DHRSX: variants seen among roughly 807,000 people sequenced by gnomAD.
DHRSX encodes the protein dehydrogenase/reductase X-linked.
Under a neutral mutation model 34.0 loss-of-function variants are expected in DHRSX, and 31 were observed. The ratio of observed to expected loss-of-function variants is 0.91; its 90% confidence interval spans 0.69 to 1.23. DHRSX has a LOEUF of 1.23. Ranked by LOEUF, DHRSX falls within the 50% of genes most tolerant of loss-of-function variation. The probability of loss-of-function intolerance (pLI) is 0.00; values close to 1 mark genes in which losing one functional copy is unlikely to be tolerated. For synonymous variants in DHRSX, 201 were observed against 183.8 expected, an observed-to-expected ratio of 1.09 and a Z score of -0.76; for missense variants, 414 against 428.1, an observed-to-expected ratio of 0.97 and a Z score of 0.29.
At position 2,475,279 on chromosome X, in the gene DHRSX, G is replaced by A. The variant is rs945791186; in HGVS notation, c.109+25538C>T. On this transcript the variant is annotated intron_variant, in intron 1 of 6. Transcript: ENST00000334651. Reference sequence around the variant, plus strand: ...GACCCCACTGTATACAACTGAAGACGTTCCCTAAGCATGTGGCTAAGGGAC... The same window carrying A: ...GACCCCACTGTATACAACTGAAGACATTCCCTAAGCATGTGGCTAAGGGAC... 1.7e-3 allele frequency among the ~76,000 whole-genome samples: 257 copies of A among 150,940 alleles called. 6 individuals are homozygous for A. Among genetic ancestry groups the A allele is most frequent in the Non-Finnish European group, 2.4e-3 (165 of 67,624 alleles).
At chrX:2,469,021 T>TTG (rs1407254589) in intron 1 of DHRSX, among the ~76,000 whole-genome samples, 4 of 147,064 alleles carry the variant, frequency 2.7e-5, no homozygotes, top group African/African-American at 1.0e-4. Flanking sequence ...ACTGAAGACA[T>TTG]TCCCTAGGCA....
At chrX:2,339,618 G>A (rs867734409) in intron 3 of DHRSX, among the ~76,000 whole-genome samples, 22 of 152,054 alleles carry the variant, frequency 1.4e-4, no homozygotes, top group African/African-American at 2.6e-4. Flanking sequence ...TAGCTTCCAC[G>A]TATCAGTGAC....
At chrX:2,373,766 C>T (rs115544953) in intron 3 of DHRSX, among the ~76,000 whole-genome samples, 9,381 of 152,124 alleles carry the variant, frequency 0.062, 658 homozygotes, top group African/African-American at 0.17. Flanking sequence ...AGTTTGCAAG[C>T]CAACAGGAAA....
At chrX:2,306,449 T>C (rs1040147743) in intron 3 of DHRSX, among the ~76,000 whole-genome samples, 3 of 150,166 alleles carry the variant, frequency 2.0e-5, no homozygotes, top group South Asian at 2.1e-4. Flanking sequence ...ACAATTAAGA[T>C]TGCGATCAAT....
At chrX:2,498,462 C>T (rs1314292205) in intron 1 of DHRSX, among the ~76,000 whole-genome samples, 6 of 152,128 alleles carry the variant, frequency 3.9e-5, no homozygotes, top group Non-Finnish European at 7.3e-5. Context: ...TTAATCCATA[C>T]ATAGGAAGGG....
At chrX:2,383,674 TG>T (rs1378364142) in intron 3 of DHRSX, among the ~76,000 whole-genome samples, 2 of 152,196 alleles carry the variant, frequency 1.3e-5, no homozygotes, top group Non-Finnish European at 2.9e-5. Flanking sequence ...TGGACCATCA[TG>T]GGGCTGGGGA....
chrX:2,303,483 C>CGTGCT (rs1172817430), intron 3 of DHRSX, among the ~76,000 whole-genome samples: 1 of 152,150 alleles, frequency 6.6e-6, no homozygotes, highest in African/African-American at 2.4e-5. Flanking sequence ...GCCATTAAGA[C>CGTGCT]GTGCTGGCTT....
At chrX:2,227,605 A>G (rs1354802627) in intron 6 of DHRSX, among the ~76,000 whole-genome samples, 2 of 133,580 alleles carry the variant, frequency 1.5e-5, no homozygotes, top group African/African-American at 5.7e-5. Context: ...AAAAAAAAAC[A>G]GGAAGGAAGC....
Position 2,426,471 on chromosome X carries a change from C to CCTCT in DHRSX, c.110-1168_110-1167insAGAG, listed in dbSNP as rs778277012. 2.2e-3 allele frequency among the ~76,000 whole-genome samples: 307 copies of CCTCT among 137,170 alleles called. 2 individuals carry two copies. Among genetic ancestry groups the CCTCT allele is most frequent in the African/African-American group, 8.0e-3 (291 of 36,556 alleles). 90.0% of individuals were successfully genotyped at this position (137,170 alleles called of 152,430 possible). A position where few individuals can be genotyped will look rare whatever the true frequency, so the allele number is the denominator to read the frequency against. On this transcript the variant is annotated intron_variant, in intron 1 of 6. Transcript: ENST00000334651. ...CCCTCCCTCTTTCCTTCCCTCCCTC[C>CCTCT]TTCCTTCCTTCCCTCCCTCTTTCCT... is the stretch of plus-strand genomic sequence containing the variant.
At chrX:2,265,818 A>C (rs2041453292) in intron 5 of DHRSX, among the ~76,000 whole-genome samples, 1 of 139,452 alleles carries the variant, frequency 7.2e-6, no homozygotes. Flanking sequence ...CGCAGGGAGC[A>C]CTGTCCTCAG....
intron 3 of DHRSX, among the ~76,000 whole-genome samples, chrX:2,309,181 G>A: frequency 6.6e-6 from 1 of 151,944 alleles, no homozygotes; most frequent in East Asian, 1.9e-4. Flanking sequence ...ATGAAAGAAT[G>A]GCATGAAGAA....
intron 6 of DHRSX, among the ~76,000 whole-genome samples, chrX:2,226,223 C>T (rs1169345869): frequency 2.0e-5 from 3 of 152,144 alleles, no homozygotes; most frequent in Non-Finnish European, 1.5e-5. Context: ...AGCCTCTTTT[C>T]CAGGAAACAG....
chrX:2,412,922 C>A (rs1231672789), intron 2 of DHRSX, among the ~76,000 whole-genome samples: 1 of 152,096 alleles, frequency 6.6e-6, no homozygotes, highest in African/African-American at 2.4e-5. Flanking sequence ...ATTGGCCAGG[C>A]GTGGTATCTC....
At chrX:2,390,162 T>A (rs1296640241) in intron 3 of DHRSX, among the ~76,000 whole-genome samples, 4 of 135,238 alleles carry the variant, frequency 3.0e-5, no homozygotes, top group Non-Finnish European at 4.9e-5. Context: ...TTTTTTTTTT[T>A]AATGGAGCTT....
chrX:2,277,126 GA>G (rs2041677465), intron 4 of DHRSX, among the ~76,000 whole-genome samples: 1 of 47,806 alleles, frequency 2.1e-5, no homozygotes, highest in Non-Finnish European at 4.1e-5. Flanking sequence ...GCAAACGAGA[GA>G]GGGAGAGAGA....
At chrX:2,284,734 C>T (rs907005666) in intron 4 of DHRSX, among the ~76,000 whole-genome samples, 3 of 152,176 alleles carry the variant, frequency 2.0e-5, no homozygotes, top group Admixed American at 6.6e-5. Flanking sequence ...ACCGGCTCTG[C>T]AGGAGGTCTA....
intron 3 of DHRSX, among the ~76,000 whole-genome samples, chrX:2,304,140 A>ATGGATGGATGGACGGATGG (rs2042063424): frequency 3.2e-5 from 1 of 31,404 alleles, no homozygotes; most frequent in Admixed American, 3.4e-4. Context: ...TGGATGGATG[A>ATGGATGGATGGACGGATGG]ATGGATGGAT....
chrX:2,392,690 C>T (rs912607945), intron 3 of DHRSX, among the ~76,000 whole-genome samples: 1 of 143,344 alleles, frequency 7.0e-6, no homozygotes, highest in Non-Finnish European at 1.5e-5. Context: ...ATTAAACATC[C>T]AATAACTATA....
At chrX:2,449,006 T>C (rs1451714426) in intron 1 of DHRSX, among the ~76,000 whole-genome samples, 1 of 152,052 alleles carries the variant, frequency 6.6e-6, no homozygotes, top group African/African-American at 2.4e-5. Context: ...CTGACCAATA[T>C]GCTGAAACCC....
Sources: allele counts gnomAD v4.1 joint callset (sites outside exome capture counted in the v4.1 genomes callset), GRCh38; gene constraint gnomAD v4.1.1; transcripts MANE v1.5; gene names NCBI Gene and HGNC (gene_info 2026-07-23, HGNC 2026-07-21).